Variants in PARD3B observed in about 807,000 individuals in gnomAD.
PARD3B encodes partitioning defective 3 homolog B.
Under a neutral mutation model 130.2 loss-of-function variants are expected in PARD3B, and 103 were observed. The observed-to-expected ratio is 0.79, with a 90% CI of 0.67 to 0.93. The LOEUF is 0.93. Ranked by LOEUF, PARD3B falls within the 40% of genes least tolerant of loss-of-function variation. The probability of loss-of-function intolerance (pLI) is 0.00; values close to 1 mark genes in which losing one functional copy is unlikely to be tolerated. For missense variants in PARD3B, 1,609 were observed against 1,499.2 expected, an observed-to-expected ratio of 1.07 and a Z score of -1.21; for synonymous variants, 583 against 553.2, an observed-to-expected ratio of 1.05 and a Z score of -0.76.
At chr2:205,148,237 C>T (rs2125689038) in intron 10 of PARD3B, among the ~76,000 whole-genome samples, 1 of 152,152 alleles carries the variant, frequency 6.6e-6, no homozygotes, top group East Asian at 1.9e-4. Flanking sequence ...TTGTAAATCA[C>T]CAAGATTACA....
chr2:205,277,775 G>GA (rs2041008841), intron 16 of PARD3B, among the ~76,000 whole-genome samples: 1 of 152,188 alleles, frequency 6.6e-6, no homozygotes, highest in Non-Finnish European at 1.5e-5. Flanking sequence ...GCCAGGTCAA[G>GA]AAGGCCTTTG....
In PARD3B at chr2:205,288,818, C is replaced by T. The variant is rs1391531753; in HGVS notation, c.2186-11712C>T. On this transcript the variant is annotated intron_variant, in intron 16 of 22. Coordinates refer to ENST00000406610, the MANE Select transcript of PARD3B (RefSeq NM_001302769.2). This position sits in a 1 kb window ranked among gnomAD's most constrained non-coding sequence, Gnocchi z 4.0. ...CTTCAAGGATATGACCCACATCATG[C>T]ATAAAGTCTTACTCAGTGACTTAAA... Among the ~76,000 whole-genome samples, 2 of 152,202 alleles carry T rather than the reference C, an allele frequency of 1.3e-5. No homozygotes were observed. The highest frequency in any genetic ancestry group is 2.4e-5 in the African/African-American group (1 of 41,450).
chr2:205,567,304 GTTTTTTTTTTTTTTTTT>G (rs59171178), intron 22 of PARD3B, among the ~76,000 whole-genome samples: 2 of 56,374 alleles, frequency 3.5e-5, no homozygotes, highest in African/African-American at 6.8e-5. Context: ...AACATTCCTT[GTTTTTTTTTTTTTTTTT>G]TTTTTTTTTT....
intron 3 of PARD3B, among the ~76,000 whole-genome samples, chr2:205,002,675 A>G (rs547634123): frequency 5.9e-4 from 89 of 151,954 alleles, no homozygotes; most frequent in Non-Finnish European, 1.2e-3. Flanking sequence ...TCCACAGCCT[A>G]TTCTTAACTT....
chr2:205,304,823 T>C (rs2042134429), intron 18 of PARD3B, among the ~76,000 whole-genome samples: 1 of 152,084 alleles, frequency 6.6e-6, no homozygotes, highest in Admixed American at 6.6e-5. Context: ...CATGTGCCTA[T>C]AGTCCCAGCT....
At position 205,575,688 on chromosome 2, in the gene PARD3B, C is replaced by T. The variant is rs186800979; in HGVS notation, c.3260+22285C>T. Among the ~76,000 whole-genome samples, 20 of 152,220 alleles carry T rather than the reference C, an allele frequency of 1.3e-4. No homozygotes were observed. The highest frequency in any genetic ancestry group is 8.5e-4 in the Admixed American group (13 of 15,292). ...AATATGCATTTAAGTTTCCTCCATG[C>T]TTTTTCATGGCTTGATAGCTCATTT... On this transcript the variant is annotated intron_variant, in intron 22 of 22. Coordinates refer to ENST00000406610, the MANE Select transcript of PARD3B (RefSeq NM_001302769.2). This position sits in a 1 kb window ranked among gnomAD's most constrained non-coding sequence, Gnocchi z 4.6.
intron 1 of PARD3B, among the ~76,000 whole-genome samples, chr2:204,605,214 T>A (rs1450920421): frequency 1.3e-5 from 2 of 152,060 alleles, no homozygotes; most frequent in Non-Finnish European, 2.9e-5. Flanking sequence ...AAGGCCCCAA[T>A]TCAAGGAGAG....
At chr2:205,423,892 A>G (rs780653387) in intron 19 of PARD3B, among the ~76,000 whole-genome samples, 74 of 152,084 alleles carry the variant, frequency 4.9e-4, no homozygotes, top group Non-Finnish European at 8.5e-4. Flanking sequence ...AAATGATGAG[A>G]ACACATAGAG....
intron 21 of PARD3B, among the ~76,000 whole-genome samples, chr2:205,536,962 C>T (rs2051889391): frequency 1.3e-5 from 2 of 152,110 alleles, no homozygotes; most frequent in Admixed American, 1.3e-4. Context: ...AAATCAACTC[C>T]CCCTGGGAAA....
At chr2:205,491,068 C>G (rs1420123414) in intron 20 of PARD3B, among the ~76,000 whole-genome samples, 1 of 152,146 alleles carries the variant, frequency 6.6e-6, no homozygotes, top group Non-Finnish European at 1.5e-5. Context: ...CCTGTTCACT[C>G]TGATGGTAGT....
intron 2 of PARD3B, among the ~76,000 whole-genome samples, chr2:204,850,865 G>A (rs1276547342): frequency 6.6e-6 from 1 of 152,108 alleles, no homozygotes; most frequent in Non-Finnish European, 1.5e-5. Flanking sequence ...TTTTGTATTG[G>A]TAGCTTGATC....
chr2:204,827,303 G>T (rs2043622568), intron 2 of PARD3B, among the ~76,000 whole-genome samples: 1 of 152,140 alleles, frequency 6.6e-6, no homozygotes, highest in African/African-American at 2.4e-5. Context: ...AGAAATGCAT[G>T]AAATTACAAT....
chr2:204,603,513 A>T (rs916197101), intron 1 of PARD3B, among the ~76,000 whole-genome samples: 1 of 152,198 alleles, frequency 6.6e-6, no homozygotes, highest in African/African-American at 2.4e-5. Context: ...TATCAGGAAC[A>T]GATAATGAAA....
At chr2:205,607,674 A>G (rs982396948) in intron 22 of PARD3B, among the ~76,000 whole-genome samples, 36 of 152,268 alleles carry the variant, frequency 2.4e-4, no homozygotes, top group Non-Finnish European at 3.1e-4. Flanking sequence ...TCTAAACCCA[A>G]TGTTTGAAGC....
At chr2:204,709,323 A>G (rs1303375539) in intron 2 of PARD3B, among the ~76,000 whole-genome samples, 1 of 152,202 alleles carries the variant, frequency 6.6e-6, no homozygotes, top group Non-Finnish European at 1.5e-5. Context: ...TATGTGAGAG[A>G]AAACAGTACC....
intron 2 of PARD3B, among the ~76,000 whole-genome samples, chr2:204,948,355 A>G (rs963922949): frequency 2.6e-5 from 4 of 152,232 alleles, no homozygotes; most frequent in Non-Finnish European, 5.9e-5. Flanking sequence ...CTACAAATAA[A>G]TAATGTTTTC....
chr2:205,198,086 G>A (rs970098536), intron 15 of PARD3B, among the ~76,000 whole-genome samples: 3 of 152,202 alleles, frequency 2.0e-5, no homozygotes, highest in African/African-American at 7.2e-5. Flanking sequence ...ACTTCAGTTT[G>A]TTGGCCCCCT....
At chr2:204,732,546 C>T (rs561579180) in intron 2 of PARD3B, among the ~76,000 whole-genome samples, 4 of 151,418 alleles carry the variant, frequency 2.6e-5, no homozygotes, top group East Asian at 1.9e-4. Flanking sequence ...GCTCTGTCGC[C>T]CAGGCTGGAG....
At chr2:204,904,264 A>T (rs996863712) in intron 2 of PARD3B, among the ~76,000 whole-genome samples, 12 of 152,174 alleles carry the variant, frequency 7.9e-5, no homozygotes, top group Non-Finnish European at 1.5e-5. Context: ...ATCACTGTTC[A>T]ACATAATCAC....
Sources: gnomAD v4.1 joint callset for allele counts (sites outside exome capture counted in the v4.1 genomes callset) on GRCh38, gnomAD v4.1.1 for gene constraint, Gnocchi (gnomAD v3.1) non-coding constraint, MANE v1.5 for transcripts, NCBI Gene and HGNC (gene_info 2026-07-23, HGNC 2026-07-21) for gene names.